The following CREB3 variants were observed in gnomAD, a reference collection of about 807,000 sequenced individuals.
The protein encoded by CREB3 is cyclic AMP-responsive element-binding protein 3.
Under a neutral mutation model 34.5 loss-of-function variants are expected in CREB3, and 29 were observed. The ratio of observed to expected loss-of-function variants is 0.84; its 90% CI spans 0.63 to 1.15. CREB3 has a LOEUF of 1.15. Among genes scored for constraint, CREB3 ranks in the 50% most tolerant of loss-of-function variants. The pLI is 0.00. For synonymous variants in CREB3, 187 were observed against 173.9 expected, an observed-to-expected ratio of 1.08 and a Z score of -0.59; for missense variants, 447 against 443.4, an observed-to-expected ratio of 1.01 and a Z score of -0.07.
chr9:35,733,374 G>T (rs373848036), intron 3 of CREB3, 22 bp from the exon 4 acceptor site: 1 of 1,610,568 alleles, frequency 6.2e-7, no homozygotes, highest in African/African-American at 1.3e-5. Flanking sequence ...TGCAACTGCC[G>T]TCCACTTTCT....
rs759999178 is a variant in CREB3 at position 35,732,990 on chromosome 9, G to A, written c.130-6G>A. ...GTCAAGGCCTGTTCATTGGAACCCT[G>A]CGCAGGTACCGAGCGACTGGGAAGT... On this transcript the variant is annotated splice_polypyrimidine_tract_variant and splice_region_variant and intron_variant, in intron 1 of 8. Transcript: ENST00000353704. This position sits in a 1 kb window ranked among gnomAD's most constrained non-coding sequence, Gnocchi z 5.1. The A allele has an allele frequency of 7.4e-6, 12 of 1,614,008 alleles. No homozygotes were observed. The African/African-American group carries it at 9.3e-5, about 13-fold the overall frequency.
chr9:35,733,374 G>C (rs373848036), intron 3 of CREB3, 22 bp from the exon 4 acceptor site: 16 of 1,610,686 alleles, frequency 9.9e-6, no homozygotes, highest in Non-Finnish European at 1.4e-5. Context: ...TGCAACTGCC[G>C]TCCACTTTCT....
At chr9:35,733,186 C>T (rs775822131) in intron 2 of CREB3, 29 bp from the exon 3 acceptor site, 10 of 1,614,046 alleles carry the variant, frequency 6.2e-6, no homozygotes, top group South Asian at 1.1e-5. Context: ...GGTTCATGGG[C>T]CTGGCTATTC....
In CREB3 at chr9:35,736,363, T is replaced by C. The variant is rs772833258; in HGVS notation, c.782-29T>C. On this transcript the variant is annotated intron_variant, in intron 8 of 8. Transcript: ENST00000353704. ...ACAGGGCAAGGGGAGAGGTCTGGGT[T>C]GGCCTCTGAAGATTCTTTGTCTCCT... The C allele has an allele frequency of 3.1e-6, 5 of 1,612,756 alleles. No homozygotes were observed. The Admixed American group carries it at 5.0e-5, about 16-fold the overall frequency.
chr9:35,735,557 A>G (rs1187406172), intron 6 of CREB3, among the ~76,000 whole-genome samples, 183 bp downstream of exon 6: 1 of 152,222 alleles, frequency 6.6e-6, no homozygotes, highest in Non-Finnish European at 1.5e-5. Flanking sequence ...GTACCAAGAA[A>G]AAGAAAGGGG....
Position 35,733,211 on chromosome 9 carries a change from G to T in CREB3, c.278-4G>T. ...CCTGGCTATTCATACTTTCCCTTTT[G>T]CAGAGAGTGAGAGCTGTAGAAAAGA... On this transcript the variant is annotated splice_region_variant and splice_polypyrimidine_tract_variant and intron_variant, in intron 2 of 8. Transcript: ENST00000353704. 6.2e-7 allele frequency: 1 copy of T among 1,614,172 alleles called. No individual in the cohort carries two copies. Among genetic ancestry groups the T allele is most frequent in the Non-Finnish European group, 8.5e-7 (1 of 1,180,032 alleles).
rs1404112415 is a variant in CREB3 at position 35,736,243 on chromosome 9, T to C, written c.713T>C (p.Phe238Ser). The change falls in exon 8 of 9, where the codon TTC (phenylalanine) becomes TCC (serine). Residue 238 changes from phenylalanine (F) to serine (S), a missense_variant. Coordinates refer to ENST00000353704, the MANE Select transcript of CREB3 (RefSeq NM_006368.5). ...GTGCTCTAGGTCCTACTAGTCTCCT[T>C]CTGCCTCCTCCTTGTACCTGCTATG... ...STCILVLLVS[F>S]CLLLVPAMYS... 3.7e-6 allele frequency: 6 copies of C among 1,614,030 alleles called. No homozygotes were observed. In the South Asian group the frequency reaches 6.6e-5, roughly 18 times the overall value.
At position 35,735,208 on chromosome 9, in the gene CREB3, G is replaced by C; in HGVS notation, c.535G>C (p.Glu179Gln). 6.2e-7 allele frequency: 1 copy of C among 1,611,610 alleles called. No homozygotes were observed. Among genetic ancestry groups the C allele is most frequent in the Non-Finnish European group, 8.5e-7 (1 of 1,179,308 alleles). Residue 179 changes from glutamate to glutamine, a missense_variant, in exon 5 of 9, where the codon GAG (glutamate) becomes CAG (glutamine). Glu to Gln is a conservative substitution (Grantham distance 29, BLOSUM62 2). Coordinates refer to ENST00000353704, the MANE Select transcript of CREB3 (RefSeq NM_006368.5). ...RKKKVYVGGL[E>Q]SRVLKYTAQN... ...AAAGAAGGTGTATGTTGGGGGTTTA[G>C]AGAGCAGGTATGAAAGGGAGAGGGA...
chr9:35,732,970 G>C lies in CREB3; in HGVS notation c.130-26G>C, dbSNP rs529482293. The C allele has an allele frequency of 2.2e-5, 35 of 1,613,802 alleles. No individual in the cohort carries two copies. The South Asian group carries it at 3.8e-4, about 18-fold the overall frequency. On this transcript the variant is annotated intron_variant, in intron 1 of 8. Coordinates refer to ENST00000353704, the MANE Select transcript of CREB3 (RefSeq NM_006368.5). The surrounding 1 kb of genome is among the most constrained non-coding windows in gnomAD (Gnocchi z 5.1). ...AGTCAGGTGATGGTGATAAGGTCAAGGCCTGTTCATTGGAACCCTGCGCAG... is the reference window on the plus strand; with the variant it reads ...AGTCAGGTGATGGTGATAAGGTCAACGCCTGTTCATTGGAACCCTGCGCAG...
intron 4 of CREB3, among the ~76,000 whole-genome samples, 179 bp downstream of exon 4, chr9:35,733,664 C>T (rs564860586): frequency 9.3e-4 from 141 of 152,138 alleles, no homozygotes; most frequent in Non-Finnish European, 1.6e-3. Context: ...GGCAGATCCT[C>T]GTTTTTGTTG....
chr9:35,733,271 C>A lies in CREB3; in HGVS notation c.334C>A (p.Leu112Met), dbSNP rs754038244. Residue 112 changes from leucine to methionine, a missense_variant, in exon 3 of 9, where the codon CTG becomes ATG. Coordinates refer to ENST00000353704, the MANE Select transcript of CREB3 (RefSeq NM_006368.5). ...TQMTPQHMEE[L>M]AEQEIARLVL... ...GATGACTCCACAGCATATGGAGGAG[C>A]TGGCAGAGCAGGTACTTGACTTGAT... 1 of 1,614,182 alleles carries A rather than the reference C, an allele frequency of 6.2e-7. No homozygotes were observed. The highest frequency in any genetic ancestry group is 1.1e-5 in the South Asian group (1 of 91,088).
chr9:35,734,008 C>G (rs1826149014), intron 4 of CREB3, among the ~76,000 whole-genome samples: 2 of 152,110 alleles, frequency 1.3e-5, no homozygotes. Context: ...AGGTCTTGCT[C>G]TGTTGCCCAG....
At chr9:35,735,967 A>T (rs920815076) in intron 6 of CREB3, 81 bp from the exon 7 acceptor site, 2 of 991,918 alleles carry the variant, frequency 2.0e-6, no homozygotes, top group Admixed American at 3.5e-5. Context: ...GAGATGGAGG[A>T]GGTGGCCTGA....
At position 35,733,161 on chromosome 9, in the gene CREB3, T is replaced by G; in HGVS notation, c.277+18T>G. 6.2e-7 allele frequency: 1 copy of G among 1,614,184 alleles called. No homozygotes were observed. Among genetic ancestry groups the G allele is most frequent in the Non-Finnish European group, 8.5e-7 (1 of 1,180,034 alleles). ...GGATCTAGGTGAGTCTGAAATAAGT[T>G]TGCGGGGAGGACAGGGTTCATGGGC... On this transcript the variant is annotated intron_variant, in intron 2 of 8. Coordinates refer to ENST00000353704, the MANE Select transcript of CREB3 (RefSeq NM_006368.5).
In CREB3 at chr9:35,736,543, G is replaced by C; in HGVS notation, c.933G>C (p.Leu311=). The C allele has an allele frequency of 6.2e-7, 1 of 1,614,190 alleles. No individual in the cohort carries two copies. The highest frequency in any genetic ancestry group is 8.5e-7 in the Non-Finnish European group (1 of 1,180,032). The part of the protein sequence containing the change: ...VLQAPGNTSC[L]LHYMPQAPSA... ...AGGCCCCTGGCAACACTTCCTGCCTGCTGCATTACATGCCTCAGGCTCCCA... is the reference window on the plus strand; with the variant it reads ...AGGCCCCTGGCAACACTTCCTGCCTCCTGCATTACATGCCTCAGGCTCCCA... The change falls in exon 9 of 9, where the codon CTG becomes CTC. Residue 311 remains leucine (L), a synonymous_variant. Transcript: ENST00000353704.
chr9:35,735,436 C>A, intron 6 of CREB3, 62 bp downstream of exon 6: 1 of 1,445,518 alleles, frequency 6.9e-7, no homozygotes, highest in Non-Finnish European at 9.7e-7. Flanking sequence ...CTCACTCTTT[C>A]CCCTGCCCTA....
chr9:35,733,633 A>C (rs1463582506), intron 4 of CREB3, 148 bp downstream of exon 4: 2 of 632,904 alleles, frequency 3.2e-6, no homozygotes, highest in African/African-American at 3.7e-5. Flanking sequence ...TGAGGCAGGT[A>C]CACAATATGC....
intron 4 of CREB3, among the ~76,000 whole-genome samples, chr9:35,734,856 G>T (rs1316990039): frequency 6.6e-6 from 1 of 152,158 alleles, no homozygotes; most frequent in African/African-American, 2.4e-5. Flanking sequence ...GCTCCCCAAA[G>T]TGTTGGGATT....
intron 6 of CREB3, among the ~76,000 whole-genome samples, 199 bp from the exon 7 acceptor site, chr9:35,735,849 C>CTTT (rs1206786273): frequency 6.6e-6 from 1 of 150,604 alleles, no homozygotes; most frequent in African/African-American, 2.5e-5. Context: ...TTTGTTTTTG[C>CTTT]TTTTTGTTGT....
Sources: gnomAD v4.1 joint callset for allele counts (sites outside exome capture counted in the v4.1 genomes callset) on GRCh38, gnomAD v4.1.1 for gene constraint, Gnocchi (gnomAD v3.1) non-coding constraint, MANE v1.5 for transcripts, NCBI Gene and HGNC (gene_info 2026-07-23, HGNC 2026-07-21) for gene names.